The following ELAVL2 variants were observed in gnomAD, a reference collection of about 807,000 sequenced individuals.
ELAVL2 encodes ELAV like RNA binding protein 2, also known as ELAV-like protein 2.
Under a neutral mutation model 34.6 loss-of-function variants are expected in ELAVL2, and 4 were observed. That is an observed-to-expected ratio of 0.12 (90% CI 0.06 to 0.26). The LOEUF is 0.26. ELAVL2 is among the 10% of genes least tolerant of loss of function. The pLI is 1.00. For missense variants in ELAVL2, 432 were observed against 442.8 expected (o/e 0.98, Z 0.22); for synonymous variants, 193 against 154.8 (o/e 1.25, Z -1.83).
intron 1 of ELAVL2, among the ~76,000 whole-genome samples, chr9:23,822,032 G>T (rs2064869316): frequency 6.6e-6 from 1 of 151,842 alleles, no homozygotes; most frequent in Non-Finnish European, 1.5e-5. Context: ...AGTCTCACCA[G>T]GCTTCCCCGA....
At chr9:23,735,623 T>G (rs917195147) in intron 2 of ELAVL2, 1 of 152,218 alleles carries the variant, frequency 6.6e-6, no homozygotes, top group Non-Finnish European at 1.5e-5. Context: ...CTAGAACTTT[T>G]GCTATATTCT....
chr9:23,714,470 A>G (rs1309535894), intron 3 of ELAVL2, among the ~76,000 whole-genome samples: 3 of 152,216 alleles, frequency 2.0e-5, no homozygotes, highest in Non-Finnish European at 4.4e-5. Context: ...TGGAGGGAAC[A>G]TAAGGAAGGA....
intron 1 of ELAVL2, among the ~76,000 whole-genome samples, chr9:23,820,146 ATTC>A (rs1479817666): frequency 6.6e-6 from 1 of 152,226 alleles, no homozygotes; most frequent in Non-Finnish European, 1.5e-5. Flanking sequence ...TGGCGAAACG[ATTC>A]TTGAGAAAAC....
chr9:23,713,896 C>G (rs2041660027), intron 3 of ELAVL2, among the ~76,000 whole-genome samples: 2 of 152,092 alleles, frequency 1.3e-5, no homozygotes, highest in Admixed American at 1.3e-4. Context: ...AGAGCTAGGT[C>G]CAGGTCTTGG....
At chr9:23,772,537 A>G (rs1212762389) in intron 1 of ELAVL2, among the ~76,000 whole-genome samples, 30 of 145,152 alleles carry the variant, frequency 2.1e-4, no homozygotes, top group African/African-American at 7.9e-4. Flanking sequence ...CTTACACCAA[A>G]AAAAAAAAAA....
intron 5 of ELAVL2, among the ~76,000 whole-genome samples, chr9:23,696,295 G>A (rs1286778383): frequency 6.6e-6 from 1 of 152,012 alleles, no homozygotes; most frequent in Non-Finnish European, 1.5e-5. Flanking sequence ...CTCAGAAAAG[G>A]CAACGGGTGC....
chr9:23,815,022 G>C (rs913128782), intron 1 of ELAVL2, among the ~76,000 whole-genome samples: 1 of 152,076 alleles, frequency 6.6e-6, no homozygotes, highest in Non-Finnish European at 1.5e-5. Context: ...TTACTTGACA[G>C]GGCATCCATC....
intron 1 of ELAVL2, among the ~76,000 whole-genome samples, chr9:23,803,633 G>A (rs992062187): frequency 6.6e-6 from 1 of 151,732 alleles, no homozygotes; most frequent in Non-Finnish European, 1.5e-5. Flanking sequence ...AAATGTTCCT[G>A]TATGGATTTC....
chr9:23,750,823 C>T (rs755985448), intron 2 of ELAVL2, among the ~76,000 whole-genome samples: 3 of 152,090 alleles, frequency 2.0e-5, no homozygotes, highest in Non-Finnish European at 2.9e-5. Flanking sequence ...AAAAAGGATT[C>T]GTACGACAGT....
At chr9:23,730,814 G>C (rs1250098131) in intron 3 of ELAVL2, among the ~76,000 whole-genome samples, 1 of 151,976 alleles carries the variant, frequency 6.6e-6, no homozygotes, top group Non-Finnish European at 1.5e-5. Flanking sequence ...TTGTTGCTCT[G>C]TCCCCCTTTG....
chr9:23,752,059 G>C (rs1280567520), intron 2 of ELAVL2, among the ~76,000 whole-genome samples: 1 of 152,098 alleles, frequency 6.6e-6, no homozygotes, highest in East Asian at 1.9e-4. Context: ...TAGGACAACA[G>C]ATCTACTTCA....
chr9:23,833,820 G>A, the ELAVL2 span, among the ~76,000 whole-genome samples: 1 of 151,762 alleles, frequency 6.6e-6, no homozygotes, highest in South Asian at 2.1e-4. Context: ...ATGTATTAAG[G>A]CAAAAATGTT....
chr9:23,834,588 A>C, the ELAVL2 span, among the ~76,000 whole-genome samples: 1 of 152,204 alleles, frequency 6.6e-6, no homozygotes, highest in Admixed American at 6.5e-5. Flanking sequence ...TGAGAACAAA[A>C]ATGGTAACCT....
intron 1 of ELAVL2, among the ~76,000 whole-genome samples, chr9:23,813,720 C>T (rs948182071): frequency 4.6e-5 from 7 of 152,106 alleles, no homozygotes; most frequent in Non-Finnish European, 1.0e-4. Context: ...TTTTCAACCA[C>T]GGGTTAAGGA....
chr9:23,796,023 T>C (rs890397954), intron 1 of ELAVL2, among the ~76,000 whole-genome samples: 4 of 152,238 alleles, frequency 2.6e-5, no homozygotes, highest in South Asian at 2.1e-4. Context: ...AAACGAAGTG[T>C]ACCCATTTTG....
intron 1 of ELAVL2, among the ~76,000 whole-genome samples, chr9:23,764,596 AC>A (rs2055817109): frequency 6.6e-6 from 1 of 152,200 alleles, no homozygotes; most frequent in Admixed American, 6.6e-5. Context: ...AGCCAGATTT[AC>A]AATTTCAACT....
At position 23,690,467 on chromosome 9, in the gene ELAVL2, G is replaced by T. The variant is rs2032813051; in HGVS notation, c.*2090C>A. The T allele has an allele frequency of 6.6e-6, 1 of 152,232 alleles. No individual in the cohort carries two copies. 9.4% of individuals were successfully genotyped at this position (152,232 alleles called of 1,614,324 possible). On this transcript the variant is annotated 3_prime_UTR_variant, in exon 7 of 7. Coordinates refer to ENST00000397312, the MANE Select transcript of ELAVL2 (RefSeq NM_004432.5). ...TAGTGTTTTTCTTTTTTTAAACGCAGAAGGTTAACTCTGGCAATCTAAATG... is the reference window on the plus strand; with the variant it reads ...TAGTGTTTTTCTTTTTTTAAACGCATAAGGTTAACTCTGGCAATCTAAATG...
chr9:23,808,000 T>C (rs189872578), intron 1 of ELAVL2, among the ~76,000 whole-genome samples: 2 of 152,208 alleles, frequency 1.3e-5, no homozygotes, highest in Non-Finnish European at 2.9e-5. Context: ...GTAAAAAATA[T>C]AAAAAGCCAG....
chr9:23,697,828 G>C (rs1488440766), intron 5 of ELAVL2, among the ~76,000 whole-genome samples: 1 of 152,046 alleles, frequency 6.6e-6, no homozygotes, highest in Non-Finnish European at 1.5e-5. Flanking sequence ...ATAAGTTATT[G>C]ATGGGTAAGA....
Sources: allele counts gnomAD v4.1 joint callset (sites outside exome capture counted in the v4.1 genomes callset), GRCh38; gene constraint gnomAD v4.1.1; transcripts MANE v1.5; gene names NCBI Gene and HGNC (gene_info 2026-07-23, HGNC 2026-07-21).